NEK11: variants seen among roughly 807,000 people sequenced by gnomAD.
The protein encoded by NEK11 is NIMA related kinase 11.
A neutral mutation model predicts 80.7 loss-of-function variants in NEK11; 72 were observed. The observed-to-expected ratio is 0.89, with a 90% confidence interval of 0.74 to 1.08. The LOEUF (loss-of-function observed/expected upper bound fraction) is 1.08. Ranked by LOEUF, NEK11 falls within the 50% of genes least tolerant of loss-of-function variation. NEK11 has a pLI of 0.00. For synonymous variants in NEK11, 251 were observed against 260.7 expected, an observed-to-expected ratio of 0.96 and a Z score of 0.36; for missense variants, 764 against 763.6, an observed-to-expected ratio of 1.00 and a Z score of -0.01.
intron 14 of NEK11, among the ~76,000 whole-genome samples, chr3:131,184,366 A>T (rs1374920580): frequency 6.6e-6 from 1 of 152,180 alleles, no homozygotes; most frequent in African/African-American, 2.4e-5. Context: ...TTTTAACAAC[A>T]TCTCAGTGAT....
chr3:131,175,050 C>G, intron 14 of NEK11: 1 of 1,222,244 alleles, frequency 8.2e-7, no homozygotes, highest in East Asian at 3.5e-5. Context: ...ATGCCCTTTA[C>G]AGTTCTGGGC....
In NEK11 at chr3:131,338,202, T is replaced by G. The variant is rs368436075; in HGVS notation, c.1719-11355T>G. Among the ~76,000 whole-genome samples the G allele has an allele frequency of 1.6e-4, 24 of 151,510 alleles. 1 individual carries two copies. The highest frequency in any genetic ancestry group is 5.8e-4 in the African/African-American group (24 of 41,346). Reference sequence around the variant, plus strand: ...GGATGGTCTTGATCTCCTGCCCTCGTGATCCACTGGCCTCGGCCTCCCAAA... The same window carrying G: ...GGATGGTCTTGATCTCCTGCCCTCGGGATCCACTGGCCTCGGCCTCCCAAA... On this transcript the variant is annotated intron_variant, in intron 17 of 17. Transcript: ENST00000383366.
chr3:131,144,613 A>G (rs1012950629), intron 7 of NEK11, among the ~76,000 whole-genome samples: 4 of 152,156 alleles, frequency 2.6e-5, no homozygotes, highest in Non-Finnish European at 5.9e-5. Context: ...ATTTGCATGT[A>G]TGTTAAAGTT....
intron 15 of NEK11, among the ~76,000 whole-genome samples, chr3:131,231,389 A>G (rs959847845): frequency 6.7e-6 from 1 of 148,270 alleles, no homozygotes; most frequent in African/African-American, 2.5e-5. Context: ...TCTCAAGTCA[A>G]TGTTTTTGCT....
At chr3:131,059,437 A>G (rs956247204) in intron 3 of NEK11, among the ~76,000 whole-genome samples, 3 of 152,242 alleles carry the variant, frequency 2.0e-5, no homozygotes, top group Non-Finnish European at 4.4e-5. Flanking sequence ...CTTAATATTC[A>G]TATTTTCCTG....
At chr3:131,214,214 C>T (rs527451018) in intron 14 of NEK11, among the ~76,000 whole-genome samples, 7 of 152,280 alleles carry the variant, frequency 4.6e-5, no homozygotes, top group Middle Eastern at 6.8e-3. Context: ...TACTCCTTGT[C>T]GTAAATTTGT....
intron 17 of NEK11, among the ~76,000 whole-genome samples, chr3:131,344,169 CTTGAAGGCT>C (rs1482816846): frequency 6.6e-6 from 1 of 152,196 alleles, no homozygotes; most frequent in Non-Finnish European, 1.5e-5. Flanking sequence ...CAGGACACAT[CTTGAAGGCT>C]TTGCTGCTTA....
At chr3:131,328,915 A>T (rs1316949512) in intron 17 of NEK11, 2 of 152,050 alleles carry the variant, frequency 1.3e-5, no homozygotes, top group Non-Finnish European at 2.9e-5. Context: ...GAGTTGAGGG[A>T]CTCTGGAGTC....
chr3:131,187,809 A>G (rs1177114170), intron 14 of NEK11, among the ~76,000 whole-genome samples: 1 of 152,198 alleles, frequency 6.6e-6, no homozygotes, highest in Admixed American at 6.6e-5. Flanking sequence ...AAAGTCACAC[A>G]GATTGAAAAT....
intron 6 of NEK11, 60 bp downstream of exon 6, chr3:131,132,869 A>G (rs905901273): frequency 8.1e-5 from 61 of 751,192 alleles, no homozygotes; most frequent in Non-Finnish European, 1.2e-4. Context: ...AGATATTATC[A>G]TATCAAATTG....
chr3:131,090,043 C>G (rs1311055916), intron 4 of NEK11, among the ~76,000 whole-genome samples: 1 of 152,072 alleles, frequency 6.6e-6, no homozygotes, highest in Admixed American at 6.6e-5. Flanking sequence ...GTTTTAAATT[C>G]AGGCTTCTGA....
chr3:131,115,911 TTTCTTTC>T (rs2080974121), intron 5 of NEK11, among the ~76,000 whole-genome samples: 1 of 47,590 alleles, frequency 2.1e-5, no homozygotes, highest in African/African-American at 9.3e-5. Context: ...GTTTTCTTTC[TTTCTTTC>T]TTTCTTTCTT....
intron 3 of NEK11, among the ~76,000 whole-genome samples, chr3:131,072,923 C>T (rs2073677623): frequency 1.3e-5 from 2 of 152,138 alleles, no homozygotes; most frequent in Admixed American, 1.3e-4. Flanking sequence ...TTTGTTGCTC[C>T]CCAGTGAATT....
At chr3:131,133,997 A>G in intron 7 of NEK11, 41 bp downstream of exon 7, 2 of 1,528,462 alleles carry the variant, frequency 1.3e-6, no homozygotes, top group Non-Finnish European at 1.8e-6. Context: ...CTGCTTCCCT[A>G]AAAGAATGGT....
intron 17 of NEK11, among the ~76,000 whole-genome samples, chr3:131,333,313 C>G (rs2110112838): frequency 6.6e-6 from 1 of 152,318 alleles, no homozygotes; most frequent in Admixed American, 6.5e-5. Flanking sequence ...GGCCAATATT[C>G]AACATTCTTA....
chr3:131,096,008 T>C (rs2077371577), intron 4 of NEK11, among the ~76,000 whole-genome samples: 1 of 152,184 alleles, frequency 6.6e-6, no homozygotes, highest in Non-Finnish European at 1.5e-5. Context: ...AACTGTTTTC[T>C]TGAGTGATCA....
chr3:131,272,347 G>T (rs565220037), intron 16 of NEK11, among the ~76,000 whole-genome samples: 12 of 151,946 alleles, frequency 7.9e-5, no homozygotes, highest in Non-Finnish European at 1.6e-4. Flanking sequence ...ATCTAAGGAC[G>T]TGCACAGGGA....
chr3:131,310,140 G>A (rs1381258331), intron 17 of NEK11, among the ~76,000 whole-genome samples: 1 of 151,818 alleles, frequency 6.6e-6, no homozygotes, highest in African/African-American at 2.4e-5. Context: ...AAAGTTCAGT[G>A]CTCAATAAAT....
intron 16 of NEK11, among the ~76,000 whole-genome samples, chr3:131,256,963 T>G (rs1407633668): frequency 6.6e-6 from 1 of 152,004 alleles, no homozygotes; most frequent in Non-Finnish European, 1.5e-5. Context: ...TGGATGGACT[T>G]CATGTGGTCT....
Sources: allele counts gnomAD v4.1 joint callset (sites outside exome capture counted in the v4.1 genomes callset), GRCh38; gene constraint gnomAD v4.1.1; transcripts MANE v1.5; gene names NCBI Gene and HGNC (gene_info 2026-07-23, HGNC 2026-07-21).